Variants in SLC44A3 observed in about 807,000 individuals in gnomAD.
SLC44A3 encodes choline transporter-like protein 3.
SLC44A3 carries 74 observed loss-of-function variants against 75.4 expected under a neutral mutation model. The observed-to-expected ratio is 0.98, with a 90% CI of 0.81 to 1.19. SLC44A3 has a LOEUF of 1.19. Ranked by LOEUF, SLC44A3 falls within the 50% of genes most tolerant of loss-of-function variation. The pLI is 0.00. For synonymous variants in SLC44A3, 310 were observed against 296.9 expected, an observed-to-expected ratio of 1.04 and a Z score of -0.45; for missense variants, 700 against 778.6, an observed-to-expected ratio of 0.90 and a Z score of 1.20.
At chr1:94,856,686 T>G (rs1405177242) in intron 9 of SLC44A3, among the ~76,000 whole-genome samples, 1 of 152,200 alleles carries the variant, frequency 6.6e-6, no homozygotes, top group Non-Finnish European at 1.5e-5. Context: ...CTCCTTCTAC[T>G]AATTTTGAGC....
intron 5 of SLC44A3, among the ~76,000 whole-genome samples, chr1:94,830,025 G>A (rs1452020299): frequency 6.6e-6 from 1 of 152,212 alleles, no homozygotes; most frequent in Non-Finnish European, 1.5e-5. Flanking sequence ...CTGGTTGCAA[G>A]TGAAGCTTGA....
At chr1:94,874,008 C>A (rs1365085206) in intron 12 of SLC44A3, among the ~76,000 whole-genome samples, 3 of 152,188 alleles carry the variant, frequency 2.0e-5, no homozygotes, top group Non-Finnish European at 2.9e-5. Flanking sequence ...CTATTCTGGG[C>A]AGCCAGCTGA....
chr1:94,874,886 C>T (rs1369162333), intron 12 of SLC44A3, among the ~76,000 whole-genome samples: 1 of 152,192 alleles, frequency 6.6e-6, no homozygotes, highest in African/African-American at 2.4e-5. Context: ...ATTTCCTCTT[C>T]CTTGTCCAAG....
At chr1:94,841,960 T>A in intron 7 of SLC44A3, 40 bp from the exon 8 acceptor site, 1 of 1,572,832 alleles carries the variant, frequency 6.4e-7, no homozygotes, top group Non-Finnish European at 8.6e-7. Flanking sequence ...GGTTACCTCA[T>A]GGCGTGTGCC....
At chr1:94,835,870 G>T (rs1311165465) in intron 5 of SLC44A3, among the ~76,000 whole-genome samples, 9 of 152,216 alleles carry the variant, frequency 5.9e-5, no homozygotes, top group Admixed American at 5.2e-4. Context: ...CAAGGACAAG[G>T]AAAGGCAATT....
At chr1:94,833,932 T>G (rs1662455781) in intron 5 of SLC44A3, among the ~76,000 whole-genome samples, 1 of 152,164 alleles carries the variant, frequency 6.6e-6, no homozygotes. Flanking sequence ...GGAGCTGATG[T>G]GAGTAACTTT....
At chr1:94,826,130 T>A (rs1661309625) in intron 3 of SLC44A3, among the ~76,000 whole-genome samples, 1 of 152,088 alleles carries the variant, frequency 6.6e-6, no homozygotes, top group South Asian at 2.1e-4. Context: ...AATAAACCAG[T>A]CACAAAAATA....
At chr1:94,886,667 T>C (rs929522942) in intron 12 of SLC44A3, among the ~76,000 whole-genome samples, 1 of 152,138 alleles carries the variant, frequency 6.6e-6, no homozygotes, top group African/African-American at 2.4e-5. Flanking sequence ...ACTTGTGCTA[T>C]GTATTTCATT....
chr1:94,872,474 A>G (rs552314762), intron 12 of SLC44A3, among the ~76,000 whole-genome samples: 1 of 152,038 alleles, frequency 6.6e-6, no homozygotes, highest in East Asian at 1.9e-4. Context: ...TTCTTCCAGC[A>G]GAAGTGGGAA....
At chr1:94,823,187 A>G (rs1472270959) in intron 2 of SLC44A3, among the ~76,000 whole-genome samples, 1 of 152,168 alleles carries the variant, frequency 6.6e-6, no homozygotes, top group African/African-American at 2.4e-5. Flanking sequence ...GGGCAGAAGC[A>G]CATGACCCCT....
At chr1:94,820,721 C>T in intron 1 of SLC44A3, 1 of 1,389,406 alleles carries the variant, frequency 7.2e-7, no homozygotes, top group South Asian at 1.8e-5. Flanking sequence ...GGTGCACCTC[C>T]AGGTAAGCAC....
chr1:94,825,127 A>G (rs1661132352), intron 3 of SLC44A3, among the ~76,000 whole-genome samples: 1 of 152,154 alleles, frequency 6.6e-6, no homozygotes, highest in Non-Finnish European at 1.5e-5. Context: ...TGCCCCAGCT[A>G]TGGCACTGTG....
At position 94,877,086 on chromosome 1, in the gene SLC44A3, G is replaced by A. The variant is rs370017601; in HGVS notation, c.1482+9669G>A. 1.5e-3 allele frequency among the ~76,000 whole-genome samples: 231 copies of A among 151,092 alleles called. 1 individual carries two copies. Among genetic ancestry groups the A allele is most frequent in the African/African-American group, 5.3e-3 (218 of 41,408 alleles). The stretch of plus-strand genomic sequence containing the variant: ...CACTCCCAGGCAAACCAGGACCCTG[G>A]AAGTGGTCAGAGAAGAGCCTTGCCA... On this transcript the variant is annotated intron_variant, in intron 12 of 14. Coordinates refer to ENST00000271227, the MANE Select transcript of SLC44A3 (RefSeq NM_001114106.3).
chr1:94,858,347 T>C (rs779158597), intron 10 of SLC44A3, among the ~76,000 whole-genome samples: 8 of 152,176 alleles, frequency 5.3e-5, no homozygotes, highest in Non-Finnish European at 1.0e-4. Context: ...AACCAGTGAA[T>C]TAGTTACACA....
chr1:94,862,795 C>T (rs949116462), intron 10 of SLC44A3, among the ~76,000 whole-genome samples: 17 of 152,190 alleles, frequency 1.1e-4, no homozygotes, highest in African/African-American at 3.9e-4. Context: ...ATACACTCAT[C>T]GCTGGGTTGC....
chr1:94,827,839 A>T (rs540326466), intron 4 of SLC44A3, among the ~76,000 whole-genome samples, 196 bp downstream of exon 4: 65 of 152,002 alleles, frequency 4.3e-4, no homozygotes, highest in African/African-American at 1.5e-3. Context: ...TTCTATCTGG[A>T]TTTATCTGAA....
chr1:94,825,713 G>C (rs1259482286), intron 3 of SLC44A3: 1 of 378,876 alleles, frequency 2.6e-6, no homozygotes, highest in African/African-American at 2.1e-5. Flanking sequence ...ATATAAGTTT[G>C]GAGTCACCAA....
At chr1:94,888,112 T>G (rs140539801) in intron 12 of SLC44A3, among the ~76,000 whole-genome samples, 50 of 152,148 alleles carry the variant, frequency 3.3e-4, no homozygotes, top group African/African-American at 1.2e-3. Flanking sequence ...GAAATTGAGG[T>G]CTTAGAGAGG....
At chr1:94,871,655 C>G (rs1009108098) in intron 12 of SLC44A3, among the ~76,000 whole-genome samples, 6 of 152,228 alleles carry the variant, frequency 3.9e-5, no homozygotes, top group Non-Finnish European at 7.3e-5. Context: ...AAGTATGAAA[C>G]CCACTGGTGA....
Sources: allele counts gnomAD v4.1 joint callset (sites outside exome capture counted in the v4.1 genomes callset), GRCh38; gene constraint gnomAD v4.1.1; transcripts MANE v1.5; gene names NCBI Gene and HGNC (gene_info 2026-07-23, HGNC 2026-07-21).